Variants in DLG2 observed in about 807,000 individuals in gnomAD.
DLG2 encodes disks large homolog 2.
A neutral mutation model predicts 132.5 loss-of-function variants in DLG2; 45 were observed. The ratio of observed to expected loss-of-function variants is 0.34; its 90% CI spans 0.27 to 0.44. The LOEUF is 0.44. Ranked by LOEUF, DLG2 falls within the 20% of genes least tolerant of loss-of-function variation. The pLI is 1.00. For synonymous variants in DLG2, 424 were observed against 419.6 expected, an observed-to-expected ratio of 1.01 and a Z score of -0.13; for missense variants, 1,045 against 1,196.9, an observed-to-expected ratio of 0.87 and a Z score of 1.87.
At chr11:85,127,854 A>G (rs1257582628) in intron 5 of DLG2, among the ~76,000 whole-genome samples, 1 of 152,226 alleles carries the variant, frequency 6.6e-6, no homozygotes, top group Non-Finnish European at 1.5e-5. Context: ...CAAAAGGACA[A>G]GATGCCACCT....
At chr11:85,309,139 G>C (rs999988722) in intron 3 of DLG2, among the ~76,000 whole-genome samples, 1 of 152,010 alleles carries the variant, frequency 6.6e-6, no homozygotes, top group Non-Finnish European at 1.5e-5. Context: ...TAGCTTCTCA[G>C]TCCCAGGAGA....
At chr11:83,904,658 A>AC (rs1217907944) in intron 15 of DLG2, among the ~76,000 whole-genome samples, 1 of 151,204 alleles carries the variant, frequency 6.6e-6, no homozygotes, top group Non-Finnish European at 1.5e-5. Flanking sequence ...TCTTTTGTTT[A>AC]CTTTTTTTTT....
At chr11:85,215,462 C>T (rs933767779) in intron 4 of DLG2, among the ~76,000 whole-genome samples, 1 of 152,068 alleles carries the variant, frequency 6.6e-6, no homozygotes, top group African/African-American at 2.4e-5. Context: ...TCCACTTTGA[C>T]CTAAGGATTA....
At chr11:83,468,366 AT>A in intron 25 of DLG2, among the ~76,000 whole-genome samples, 1 of 152,216 alleles carries the variant, frequency 6.6e-6, no homozygotes, top group Non-Finnish European at 1.5e-5. Context: ...CAGTCAGAAC[AT>A]TTCAAGTTAA....
chr11:84,775,198 G>A (rs1355920945), intron 6 of DLG2, among the ~76,000 whole-genome samples: 2 of 151,904 alleles, frequency 1.3e-5, no homozygotes, highest in South Asian at 2.1e-4. Flanking sequence ...TAATCACCAC[G>A]AAAATGCACA....
At chr11:84,296,338 G>C (rs2098088334) in intron 7 of DLG2, among the ~76,000 whole-genome samples, 3 of 152,164 alleles carry the variant, frequency 2.0e-5, no homozygotes, top group Non-Finnish European at 2.9e-5. Flanking sequence ...AAACAGACAG[G>C]ATTCCACTGT....
chr11:84,206,785 G>C (rs537223891), intron 8 of DLG2, among the ~76,000 whole-genome samples: 70 of 151,928 alleles, frequency 4.6e-4, no homozygotes, highest in African/African-American at 1.6e-3. Flanking sequence ...TAAATAGAAG[G>C]CATAAAATTT....
rs147801006 is a variant in DLG2 at position 84,905,697 on chromosome 11, T to G, written c.357+205964A>C. On this transcript the variant is annotated intron_variant, in intron 6 of 27. Coordinates refer to ENST00000376104, the MANE Select transcript of DLG2 (RefSeq NM_001142699.3). ...CTTCAAAAGTAAGCATGGGCTGACT[T>G]CTATAATAATCCATTTCTTGTATTT... Among the ~76,000 whole-genome samples, 767 of 152,268 alleles carry G rather than the reference T, an allele frequency of 5.0e-3. 18 individuals carry two copies. The highest frequency in any genetic ancestry group is 0.013 in the East Asian group (65 of 5,190).
At chr11:84,372,468 T>A (rs2098710374) in intron 7 of DLG2, among the ~76,000 whole-genome samples, 1 of 152,190 alleles carries the variant, frequency 6.6e-6, no homozygotes, top group Non-Finnish European at 1.5e-5. Flanking sequence ...TCAGTGTCTT[T>A]GCCCTACAGC....
chr11:85,562,298 A>G (rs1383722871), intron 3 of DLG2, among the ~76,000 whole-genome samples: 1 of 151,836 alleles, frequency 6.6e-6, no homozygotes, highest in Non-Finnish European at 1.5e-5. Flanking sequence ...TGAAAAGAAC[A>G]AGTTTTAAAT....
At chr11:84,348,027 G>C (rs1314461480) in intron 7 of DLG2, among the ~76,000 whole-genome samples, 1 of 152,120 alleles carries the variant, frequency 6.6e-6, no homozygotes, top group Non-Finnish European at 1.5e-5. Context: ...TCACAAGCTT[G>C]TTATGAGGAT....
At chr11:84,398,524 C>A (rs942751748) in intron 7 of DLG2, among the ~76,000 whole-genome samples, 1 of 152,040 alleles carries the variant, frequency 6.6e-6, no homozygotes, top group Admixed American at 6.6e-5. Context: ...TTTTTAAGAC[C>A]CACATCTCAG....
At chr11:83,830,070 C>T (rs115535834) in intron 17 of DLG2, among the ~76,000 whole-genome samples, 1,971 of 152,270 alleles carry the variant, frequency 0.013, 53 homozygotes, top group African/African-American at 0.045. Flanking sequence ...TAGCTAGCTA[C>T]AGGTGAAATA....
intron 4 of DLG2, among the ~76,000 whole-genome samples, chr11:85,245,029 A>C (rs1400443964): frequency 3.3e-5 from 5 of 151,940 alleles, no homozygotes; most frequent in African/African-American, 1.2e-4. Context: ...TTATGCTTGA[A>C]AAATTTACTT....
chr11:85,359,419 A>G (rs2083975322), intron 3 of DLG2, among the ~76,000 whole-genome samples: 2 of 152,212 alleles, frequency 1.3e-5, no homozygotes, highest in South Asian at 4.1e-4. Flanking sequence ...AGAGCAAGAT[A>G]AGAATAGGAA....
intron 3 of DLG2, among the ~76,000 whole-genome samples, chr11:85,426,886 T>C (rs913608293): frequency 1.3e-5 from 2 of 151,432 alleles, no homozygotes; most frequent in African/African-American, 4.9e-5. Context: ...TGAAAAAAAA[T>C]TAGACGAATG....
intron 6 of DLG2, among the ~76,000 whole-genome samples, chr11:84,843,777 G>A (rs10898306): frequency 0.51 from 77,659 of 151,156 alleles, 21,127 homozygotes; most frequent in African/African-American, 0.68. Flanking sequence ...TGTTCAATAC[G>A]GACACAACCA....
intron 6 of DLG2, among the ~76,000 whole-genome samples, chr11:84,712,145 A>G (rs1434040916): frequency 2.6e-5 from 4 of 152,164 alleles, no homozygotes; most frequent in African/African-American, 4.8e-5. Context: ...CTGGATATCC[A>G]TAAGTGAGTA....
At chr11:85,246,843 T>C (rs1041858437) in intron 4 of DLG2, among the ~76,000 whole-genome samples, 5 of 152,102 alleles carry the variant, frequency 3.3e-5, no homozygotes, top group African/African-American at 1.2e-4. Context: ...TAATGCAAGA[T>C]AACGATCACT....
Sources: allele counts gnomAD v4.1 joint callset (sites outside exome capture counted in the v4.1 genomes callset), GRCh38; gene constraint gnomAD v4.1.1; transcripts MANE v1.5; gene names NCBI Gene and HGNC (gene_info 2026-07-23, HGNC 2026-07-21).